TRMT11: variants seen among roughly 807,000 people sequenced by gnomAD.
The protein encoded by TRMT11 is tRNA (guanine(10)-N(2))-methyltransferase TRMT11.
Under a neutral mutation model 62.8 loss-of-function variants are expected in TRMT11, and 53 were observed. The ratio of observed to expected loss-of-function variants is 0.84; its 90% confidence interval spans 0.68 to 1.06. TRMT11 has a LOEUF of 1.06. Among genes scored for constraint, TRMT11 ranks in the 50% least tolerant of loss-of-function variants. TRMT11 has a pLI of 0.00. For synonymous variants in TRMT11, 188 were observed against 190.3 expected (o/e 0.99, Z 0.10); for missense variants, 556 against 553.4 (o/e 1.00, Z -0.05).
At chr6:126,180,124 G>A (rs1447435494) in intron 1 of TRMT11, among the ~76,000 whole-genome samples, 1 of 152,056 alleles carries the variant, frequency 6.6e-6, no homozygotes, top group Admixed American at 6.6e-5. Context: ...TAACTTTATA[G>A]ACAAAACTTC....
At chr6:126,162,027 G>A (rs1470525038) in intron 21 of TRMT11, among the ~76,000 whole-genome samples, 1 of 152,186 alleles carries the variant, frequency 6.6e-6, no homozygotes, top group African/African-American at 2.4e-5. Flanking sequence ...TCACTTTGAT[G>A]ATAGTTTCTT....
intron 1 of TRMT11, among the ~76,000 whole-genome samples, chr6:126,180,611 CAT>C (rs1355592824): frequency 1.3e-5 from 2 of 152,162 alleles, no homozygotes; most frequent in African/African-American, 4.8e-5. Context: ...AGAGCTATAA[CAT>C]ATAGAAACAA....
chr6:126,268,411 C>A, the TRMT11 span, among the ~76,000 whole-genome samples: 1 of 152,196 alleles, frequency 6.6e-6, no homozygotes, highest in South Asian at 2.1e-4. Context: ...TTAGCTGTAT[C>A]AAAATAACAA....
chr6:126,215,171 G>A, the TRMT11 span, among the ~76,000 whole-genome samples: 1 of 151,960 alleles, frequency 6.6e-6, no homozygotes, highest in Non-Finnish European at 1.5e-5. Flanking sequence ...GCAGCCACTG[G>A]ACAAAATGTT....
chr6:126,232,809 C>T, the TRMT11 span, among the ~76,000 whole-genome samples: 1 of 152,296 alleles, frequency 6.6e-6, no homozygotes, highest in African/African-American at 2.4e-5. Context: ...GCAAAATGTG[C>T]TGAATCCATC....
Position 126,038,923 on chromosome 6 carries a change from T to C in TRMT11, c.*87T>C. The C allele has an allele frequency of 9.2e-7, 1 of 1,092,702 alleles. No individual in the cohort carries two copies. Among genetic ancestry groups the C allele is most frequent in the South Asian group, 1.7e-5 (1 of 58,476 alleles). 67.7% of individuals were successfully genotyped at this position (1,092,702 alleles called of 1,614,324 possible). A position where few individuals can be genotyped will look rare whatever the true frequency, so the allele number is the denominator to read the frequency against. On this transcript the variant is annotated 3_prime_UTR_variant, in exon 13 of 13. Transcript: ENST00000334379. ...GAACTTTCATGTATGATCCAGAAAA[T>C]AGGTACGGTTTTAAAATATTTTATA... is the stretch of plus-strand genomic sequence containing the variant.
At chr6:126,191,507 A>G (rs78407021) in intron 1 of TRMT11, among the ~76,000 whole-genome samples, 13,023 of 131,108 alleles carry the variant, frequency 0.099, 2,034 homozygotes, top group African/African-American at 0.34. Flanking sequence ...TGCTTTTGAG[A>G]TCTTGCCCTG....
intron 17 of TRMT11, among the ~76,000 whole-genome samples, chr6:126,072,786 C>G (rs1273746857): frequency 1.3e-5 from 2 of 152,116 alleles, no homozygotes; most frequent in Non-Finnish European, 2.9e-5. Flanking sequence ...TGGCAGAGAG[C>G]AGAGATCCTC....
downstream of TRMT11, among the ~76,000 whole-genome samples, chr6:126,044,226 T>C (rs189850925): frequency 1.3e-5 from 2 of 152,346 alleles, no homozygotes; most frequent in East Asian, 3.9e-4. Context: ...TGAATTAATT[T>C]TTGTATAAAG....
chr6:126,031,115 T>C (rs1319380698), intron 12 of TRMT11, among the ~76,000 whole-genome samples: 1 of 152,146 alleles, frequency 6.6e-6, no homozygotes, highest in African/African-American at 2.4e-5. Flanking sequence ...GTTTGCTCTG[T>C]AAAGAAGGAT....
chr6:126,251,216 A>T, the TRMT11 span, among the ~76,000 whole-genome samples: 7 of 151,740 alleles, frequency 4.6e-5, no homozygotes, highest in Non-Finnish European at 1.0e-4. Context: ...TTTTTAGTAG[A>T]GATGGGGTTT....
chr6:126,181,677 A>G (rs1778468472), intron 1 of TRMT11, among the ~76,000 whole-genome samples: 1 of 152,146 alleles, frequency 6.6e-6, no homozygotes, highest in African/African-American at 2.4e-5. Context: ...GTTAATAGAA[A>G]ACATTGTCAG....
At chr6:126,261,409 A>C in the TRMT11 span, among the ~76,000 whole-genome samples, 3 of 152,220 alleles carry the variant, frequency 2.0e-5, no homozygotes, top group African/African-American at 7.2e-5. Context: ...GAAATTTTTC[A>C]GGCATTTTGT....
chr6:126,230,918 G>A, the TRMT11 span, among the ~76,000 whole-genome samples: 7 of 152,148 alleles, frequency 4.6e-5, no homozygotes, highest in Non-Finnish European at 1.0e-4. Context: ...CGTCCTCATT[G>A]TGAGATTCAT....
chr6:126,262,278 G>A, the TRMT11 span, among the ~76,000 whole-genome samples: 3 of 152,152 alleles, frequency 2.0e-5, no homozygotes, highest in South Asian at 2.1e-4. Context: ...TGAACTTGCC[G>A]TCCAGCCAGG....
the TRMT11 span, among the ~76,000 whole-genome samples, chr6:126,269,046 G>C: frequency 6.6e-6 from 1 of 151,668 alleles, no homozygotes; most frequent in East Asian, 1.9e-4. Context: ...CGGATCACGA[G>C]GTCAGGAGAT....
chr6:125,998,475 G>T, intron 5 of TRMT11, 75 bp from the exon 6 acceptor site: 1 of 1,470,528 alleles, frequency 6.8e-7, no homozygotes, highest in South Asian at 1.3e-5. Context: ...GGCTTACAAG[G>T]TAATGTTATT....
intron 21 of TRMT11, among the ~76,000 whole-genome samples, chr6:126,149,955 A>C (rs1443867752): frequency 6.6e-6 from 1 of 152,174 alleles, no homozygotes; most frequent in Non-Finnish European, 1.5e-5. Context: ...GATATAGGAA[A>C]ACCCAACCCT....
At chr6:126,046,636 T>G (rs1397646003) in intron 16 of TRMT11, among the ~76,000 whole-genome samples, 1 of 152,144 alleles carries the variant, frequency 6.6e-6, no homozygotes, top group Non-Finnish European at 1.5e-5. Flanking sequence ...CACAAACTTG[T>G]ATGGCTGTGT....
Sources: allele counts gnomAD v4.1 joint callset (sites outside exome capture counted in the v4.1 genomes callset), GRCh38; gene constraint gnomAD v4.1.1; transcripts MANE v1.5; gene names NCBI Gene and HGNC (gene_info 2026-07-23, HGNC 2026-07-21).